The following CSMD1 variants were observed in gnomAD, a reference collection of about 807,000 sequenced individuals.
CSMD1 encodes CUB and sushi domain-containing protein 1.
CSMD1 carries 213 observed loss-of-function variants against 417.5 expected under a neutral mutation model. The observed-to-expected ratio is 0.51, with a 90% confidence interval of 0.46 to 0.57. The LOEUF is 0.57. Among genes scored for constraint, CSMD1 ranks in the 20% least tolerant of loss-of-function variants. The probability of loss-of-function intolerance (pLI) is 0.00; values close to 1 mark genes in which losing one functional copy is unlikely to be tolerated. For missense variants in CSMD1, 6,923 were observed against 4,529.7 expected (o/e 1.53, Z -15.17); for synonymous variants, 2,862 against 1,736.8 (o/e 1.65, Z -16.11).
At chr8:4,206,364 GC>G (rs1799980155) in intron 3 of CSMD1, among the ~76,000 whole-genome samples, 1 of 151,808 alleles carries the variant, frequency 6.6e-6, no homozygotes, top group Non-Finnish European at 1.5e-5. Context: ...CCCACCACAG[GC>G]CCCGGTATGT....
At chr8:3,182,665 C>CTCTT (rs1366480397) in intron 36 of CSMD1, among the ~76,000 whole-genome samples, 3 of 35,190 alleles carry the variant, frequency 8.5e-5, no homozygotes, top group Non-Finnish European at 1.8e-4. Flanking sequence ...CTCTGGCTGT[C>CTCTT]TATAAGAAGC....
intron 3 of CSMD1, among the ~76,000 whole-genome samples, chr8:4,034,155 T>G (rs1035016919): frequency 6.6e-6 from 1 of 152,158 alleles, no homozygotes; most frequent in Admixed American, 6.5e-5. Context: ...CTGAGTAACA[T>G]AGAGAACATT....
chr8:4,672,279 C>A (rs1216728067), intron 1 of CSMD1, among the ~76,000 whole-genome samples: 1 of 152,132 alleles, frequency 6.6e-6, no homozygotes, highest in Non-Finnish European at 1.5e-5. Flanking sequence ...ATCTCTTGTG[C>A]TCTCCCAAAT....
intron 12 of CSMD1, among the ~76,000 whole-genome samples, chr8:3,462,096 AT>A (rs140693562): frequency 0.035 from 5,185 of 148,430 alleles, 163 homozygotes; most frequent in East Asian, 0.16. Flanking sequence ...CAAGGGCACC[AT>A]TTGGGTGCTC....
chr8:4,505,997 T>G (rs914652481), intron 2 of CSMD1, among the ~76,000 whole-genome samples: 1 of 151,960 alleles, frequency 6.6e-6, no homozygotes, highest in Admixed American at 6.6e-5. Context: ...GGGGTGTCAA[T>G]ATGTTGCCCA....
chr8:2,954,637 C>T (rs1802875353), intron 64 of CSMD1, among the ~76,000 whole-genome samples: 1 of 152,148 alleles, frequency 6.6e-6, no homozygotes, highest in African/African-American at 2.4e-5. Context: ...GTTACAGTCC[C>T]TCTTCATTGA....
At chr8:3,966,190 C>A (rs994376425) in intron 5 of CSMD1, among the ~76,000 whole-genome samples, 7 of 152,080 alleles carry the variant, frequency 4.6e-5, no homozygotes, top group African/African-American at 1.4e-4. Flanking sequence ...TAAGGTACCA[C>A]GGTATAAAAT....
At chr8:4,085,909 T>G (rs1457224037) in intron 3 of CSMD1, among the ~76,000 whole-genome samples, 2 of 152,122 alleles carry the variant, frequency 1.3e-5, no homozygotes, top group Admixed American at 1.3e-4. Context: ...GATGTTACCA[T>G]TGCGTAAGGA....
chr8:3,004,016 G>C lies in CSMD1; in HGVS notation c.8030-3885C>G, dbSNP rs946496699. Among the ~76,000 whole-genome samples, 5 of 152,250 alleles carry C rather than the reference G, an allele frequency of 3.3e-5. No homozygotes were observed. In the East Asian group the frequency reaches 9.6e-4, roughly 29 times the overall value. ...CCACTGCGTGACTCTGCCACTATTT[G>C]AAGATAGTTGCTACAACTCCACTGA... On this transcript the variant is annotated intron_variant, in intron 52 of 69. Transcript: ENST00000635120.
chr8:3,822,501 G>A (rs1368130997), intron 5 of CSMD1, among the ~76,000 whole-genome samples: 1 of 152,148 alleles, frequency 6.6e-6, no homozygotes, highest in African/African-American at 2.4e-5. Context: ...GAGCTGCTAG[G>A]TACTCATGCA....
At chr8:4,107,596 T>C (rs140331693) in intron 3 of CSMD1, among the ~76,000 whole-genome samples, 1 of 152,312 alleles carries the variant, frequency 6.6e-6, no homozygotes, top group African/African-American at 2.4e-5. Flanking sequence ...GCTTTGTGAA[T>C]AGCTGGGAGT....
At chr8:4,848,592 T>TGA (rs1801285035) in intron 1 of CSMD1, among the ~76,000 whole-genome samples, 2 of 151,678 alleles carry the variant, frequency 1.3e-5, no homozygotes, top group Admixed American at 1.3e-4. Context: ...AGGCCTGCGG[T>TGA]GCTGTGGCAC....
intron 23 of CSMD1, among the ~76,000 whole-genome samples, chr8:3,315,419 G>A (rs1805676000): frequency 7.6e-6 from 1 of 132,386 alleles, no homozygotes; most frequent in East Asian, 2.0e-4. Flanking sequence ...ATTCAAGAAT[G>A]AAATTCTAGG....
chr8:4,632,153 G>A (rs188786644), intron 2 of CSMD1, among the ~76,000 whole-genome samples: 4 of 152,302 alleles, frequency 2.6e-5, no homozygotes, highest in East Asian at 1.9e-4. Context: ...ATTAAGTCAC[G>A]TTGGGTTCCG....
At chr8:4,648,681 G>C (rs1339839343) in intron 1 of CSMD1, among the ~76,000 whole-genome samples, 3 of 152,104 alleles carry the variant, frequency 2.0e-5, no homozygotes, top group African/African-American at 7.2e-5. Flanking sequence ...CCTTTTACTG[G>C]ATTTTTAACA....
chr8:3,646,828 C>G (rs1401341605), intron 7 of CSMD1, among the ~76,000 whole-genome samples: 3 of 152,134 alleles, frequency 2.0e-5, no homozygotes, highest in East Asian at 1.9e-4. Context: ...CCTGCCTCCT[C>G]CCACCCGCTG....
At chr8:3,938,129 T>C (rs1458803620) in intron 5 of CSMD1, among the ~76,000 whole-genome samples, 1 of 152,144 alleles carries the variant, frequency 6.6e-6, no homozygotes, top group Non-Finnish European at 1.5e-5. Flanking sequence ...ATGTTAGATG[T>C]AAATAAATAT....
intron 5 of CSMD1, among the ~76,000 whole-genome samples, chr8:3,994,051 G>A (rs1016329128): frequency 3.2e-4 from 49 of 152,228 alleles, no homozygotes; most frequent in African/African-American, 1.1e-3. Context: ...CGGTAGCTGT[G>A]GACAGCTTGG....
intron 18 of CSMD1, among the ~76,000 whole-genome samples, chr8:3,377,637 T>C (rs1810393871): frequency 6.6e-6 from 1 of 152,164 alleles, no homozygotes; most frequent in Admixed American, 6.5e-5. Flanking sequence ...CCTACTTTGC[T>C]AAACCTCCAG....
Sources: gnomAD v4.1 joint callset for allele counts (sites outside exome capture counted in the v4.1 genomes callset) on GRCh38, gnomAD v4.1.1 for gene constraint, MANE v1.5 for transcripts, NCBI Gene and HGNC (gene_info 2026-07-23, HGNC 2026-07-21) for gene names.